PCGF5: variants seen among roughly 807,000 people sequenced by gnomAD.
PCGF5 encodes polycomb group RING finger protein 5.
In PCGF5, 9 loss-of-function variants were observed where a neutral mutation model predicts 44.3. The ratio of observed to expected loss-of-function variants is 0.20; its 90% CI spans 0.12 to 0.35. The LOEUF is 0.35. Among genes scored for constraint, PCGF5 ranks in the 10% least tolerant of loss-of-function variants. The probability of loss-of-function intolerance (pLI) is 1.00; values close to 1 mark genes in which losing one functional copy is unlikely to be tolerated. For missense variants in PCGF5, 146 were observed against 305.3 expected, an observed-to-expected ratio of 0.48 and a Z score of 3.89; for synonymous variants, 95 against 102.5, an observed-to-expected ratio of 0.93 and a Z score of 0.44.
intron 1 of PCGF5, among the ~76,000 whole-genome samples, chr10:91,169,359 A>T (rs1385897722): frequency 2.6e-5 from 4 of 152,194 alleles, no homozygotes; most frequent in Non-Finnish European, 4.4e-5. Context: ...AGATGACATG[A>T]TTGTTTATGT....
At chr10:91,220,009 A>C (rs967601414), upstream of PCGF5, 7 of 152,144 alleles carry the variant, frequency 4.6e-5, no homozygotes, top group African/African-American at 1.7e-4. Flanking sequence ...TAGAATACAC[A>C]TTTTTGAATG....
chr10:91,266,551 C>T (rs1473045198), intron 8 of PCGF5, among the ~76,000 whole-genome samples: 1 of 152,046 alleles, frequency 6.6e-6, no homozygotes, highest in Non-Finnish European at 1.5e-5. Flanking sequence ...GGAAACTAAA[C>T]CAATAAACAG....
chr10:91,174,959 C>T (rs1033966359), intron 1 of PCGF5, among the ~76,000 whole-genome samples: 1 of 152,308 alleles, frequency 6.6e-6, no homozygotes, highest in Admixed American at 6.5e-5. Flanking sequence ...AGACCTGTGG[C>T]AACTGCCTTA....
intron 2 of PCGF5, among the ~76,000 whole-genome samples, chr10:91,239,732 A>T (rs1181410954): frequency 2.0e-5 from 3 of 152,098 alleles, no homozygotes; most frequent in African/African-American, 4.8e-5. Flanking sequence ...GATGAGAGAG[A>T]TTTATAGCCA....
chr10:91,174,642 GA>G (rs1156243674), intron 1 of PCGF5, among the ~76,000 whole-genome samples: 1 of 152,108 alleles, frequency 6.6e-6, no homozygotes, highest in African/African-American at 2.4e-5. Context: ...GGATTCTCTT[GA>G]ATTTTTTTAT....
upstream of PCGF5, chr10:91,220,481 G>GGGCGGCAGCTGCACCTGCGAGCAGCGCA (rs1208454097): frequency 2.6e-5 from 4 of 152,696 alleles, no homozygotes; most frequent in East Asian, 1.9e-4. Flanking sequence ...CAGGGAGCCA[G>GGGCGGCAGCTGCACCTGCGAGCAGCGCA]GGCGGCAGCT....
At chr10:91,223,795 G>T (rs1844743846) in intron 2 of PCGF5, among the ~76,000 whole-genome samples, 1 of 152,178 alleles carries the variant, frequency 6.6e-6, no homozygotes, top group Non-Finnish European at 1.5e-5. Context: ...TGGAGTAGAT[G>T]TAGGGGGAGA....
intron 1 of PCGF5, among the ~76,000 whole-genome samples, chr10:91,181,611 G>C (rs972938072): frequency 6.6e-6 from 1 of 152,166 alleles, no homozygotes; most frequent in African/African-American, 2.4e-5. Flanking sequence ...CATCTATTGA[G>C]TTAATTGTGG....
At chr10:91,210,228 CTTTT>C (rs1844423495) in intron 1 of PCGF5, among the ~76,000 whole-genome samples, 1 of 152,158 alleles carries the variant, frequency 6.6e-6, no homozygotes, top group Non-Finnish European at 1.5e-5. Flanking sequence ...GCTTGAGATC[CTTTT>C]TCTGCCAGAG....
chr10:91,197,293 G>A (rs1212563387), intron 1 of PCGF5, among the ~76,000 whole-genome samples: 1 of 152,166 alleles, frequency 6.6e-6, no homozygotes, highest in African/African-American at 2.4e-5. Context: ...CCTGGGTCTA[G>A]TCTGAGACTC....
chr10:91,244,534 C>T (rs1205162617), intron 3 of PCGF5, among the ~76,000 whole-genome samples: 1 of 152,120 alleles, frequency 6.6e-6, no homozygotes, highest in Non-Finnish European at 1.5e-5. Flanking sequence ...GGAGCCTCTG[C>T]AGGATTTTGG....
At chr10:91,236,569 A>G (rs533339994) in intron 2 of PCGF5, among the ~76,000 whole-genome samples, 4 of 152,308 alleles carry the variant, frequency 2.6e-5, no homozygotes, top group East Asian at 1.9e-4. Flanking sequence ...TCTTGGACCA[A>G]TTGGGTTAAC....
At chr10:91,248,079 C>T (rs185922531) in intron 3 of PCGF5, among the ~76,000 whole-genome samples, 139 of 152,172 alleles carry the variant, frequency 9.1e-4, no homozygotes, top group African/African-American at 3.2e-3. Context: ...CAGCCTTGTT[C>T]TCATGGTAGC....
intron 1 of PCGF5, among the ~76,000 whole-genome samples, chr10:91,203,542 G>A (rs1286538572): frequency 6.6e-6 from 1 of 152,138 alleles, no homozygotes; most frequent in East Asian, 1.9e-4. Context: ...TTCATTGACT[G>A]TATACACTTC....
At chr10:91,162,165 G>T (rs1843397444), upstream of PCGF5, among the ~76,000 whole-genome samples, 1 of 151,994 alleles carries the variant, frequency 6.6e-6, no homozygotes, top group African/African-American at 2.4e-5. Context: ...TGGGGTGAGG[G>T]TAGGGAAGTG....
At chr10:91,192,297 T>G (rs1274850703) in intron 1 of PCGF5, among the ~76,000 whole-genome samples, 1 of 152,238 alleles carries the variant, frequency 6.6e-6, no homozygotes, top group Non-Finnish European at 1.5e-5. Context: ...CAACTCAAGG[T>G]GTTTTGCTCG....
chr10:91,162,974 G>A (rs1410442705), upstream of PCGF5: 5 of 144,390 alleles, frequency 3.5e-5, no homozygotes, highest in East Asian at 6.1e-4. Context: ...CCGCTGCCCC[G>A]CCCCGCCCCC....
At chr10:91,275,968 C>A (rs1430717643) in intron 9 of PCGF5, among the ~76,000 whole-genome samples, 1 of 152,014 alleles carries the variant, frequency 6.6e-6, no homozygotes, top group Non-Finnish European at 1.5e-5. Flanking sequence ...CAGTTCATTT[C>A]TATAACAGCA....
chr10:91,270,432 GT>G (rs773507735), intron 8 of PCGF5, among the ~76,000 whole-genome samples: 13 of 151,652 alleles, frequency 8.6e-5, no homozygotes, highest in Non-Finnish European at 1.6e-4. Context: ...GCTTACTCTT[GT>G]TGACCCTGTT....
Sources: gnomAD v4.1 joint callset for allele counts (sites outside exome capture counted in the v4.1 genomes callset) on GRCh38, gnomAD v4.1.1 for gene constraint, MANE v1.5 for transcripts, NCBI Gene and HGNC (gene_info 2026-07-23, HGNC 2026-07-21) for gene names.